Variants in EVC2 observed in about 807,000 individuals in gnomAD.
EVC2 encodes limbin.
In EVC2, 148 loss-of-function variants were observed where a neutral mutation model predicts 149.3. The observed-to-expected ratio is 0.99, with a 90% CI of 0.87 to 1.14. The LOEUF (loss-of-function observed/expected upper bound fraction) is 1.14, where lower values mean the gene tolerates loss of function less well. EVC2 is among the 50% of genes most tolerant of loss of function. EVC2 has a pLI of 0.00. For synonymous variants in EVC2, 776 were observed against 649.9 expected, an observed-to-expected ratio of 1.19 and a Z score of -2.95; for missense variants, 1,854 against 1,627.3, an observed-to-expected ratio of 1.14 and a Z score of -2.40.
intron 16 of EVC2, among the ~76,000 whole-genome samples, chr4:5,597,344 C>T (rs868699325): frequency 6.6e-6 from 1 of 152,160 alleles, no homozygotes; most frequent in African/African-American, 2.4e-5. Context: ...CCAAAGCCAG[C>T]AGCACATCAA....
Position 5,637,069 on chromosome 4 carries a change from A to G in EVC2, c.1470+3445T>C, listed in dbSNP as rs990662458. Among the ~76,000 whole-genome samples, 1 of 152,190 alleles carries G rather than the reference A, an allele frequency of 6.6e-6. No individual in the cohort carries two copies. The highest frequency in any genetic ancestry group is 1.5e-5 in the Non-Finnish European group (1 of 68,040). ...GCAAGGTGGTGTGGGTGGGAGAGAC[A>G]GGCTGCAGAAAAGCCCTGGAGAGAG... On this transcript the variant is annotated intron_variant, in intron 10 of 21. Coordinates refer to ENST00000344408, the MANE Select transcript of EVC2 (RefSeq NM_147127.5). This position sits in a 1 kb window ranked among gnomAD's most constrained non-coding sequence, Gnocchi z 4.4.
rs1287736944 is a variant in EVC2 at position 5,696,092 on chromosome 4, T to C, written c.283+1501A>G. On this transcript the variant is annotated intron_variant, in intron 2 of 21. Coordinates refer to ENST00000344408, the MANE Select transcript of EVC2 (RefSeq NM_147127.5). The surrounding 1 kb of genome is among the most constrained non-coding windows in gnomAD (Gnocchi z 4.1). Reference sequence around the variant, plus strand: ...AGCGGCTGATTCAGAGCATCGGGAATGTCTGAGTAGAGCATATGGGTGCAA... The same window carrying C: ...AGCGGCTGATTCAGAGCATCGGGAACGTCTGAGTAGAGCATATGGGTGCAA... 1.3e-5 allele frequency among the ~76,000 whole-genome samples: 2 copies of C among 152,152 alleles called. No homozygotes were observed. The highest frequency in any genetic ancestry group is 1.9e-4 in the East Asian group (1 of 5,174).
At chr4:5,607,183 T>C (rs904462400) in intron 16 of EVC2, among the ~76,000 whole-genome samples, 10 of 152,024 alleles carry the variant, frequency 6.6e-5, no homozygotes, top group Non-Finnish European at 1.2e-4. Flanking sequence ...GGAGGGCTCA[T>C]GGGAAGGGAC....
chr4:5,547,201 A>T (rs758933038), intron 21 of EVC2, among the ~76,000 whole-genome samples: 5 of 152,208 alleles, frequency 3.3e-5, no homozygotes, highest in Non-Finnish European at 7.4e-5. Context: ...GTGTGCACAC[A>T]CTTTGGGCGG....
chr4:5,586,028 A>T (rs568974170), intron 16 of EVC2, among the ~76,000 whole-genome samples: 48 of 151,956 alleles, frequency 3.2e-4, no homozygotes, highest in African/African-American at 1.1e-3. Context: ...CACCCAGCTA[A>T]TTTTTGTAAT....
At position 5,567,245 on chromosome 4, in the gene EVC2, T is replaced by C. The variant is rs1459123641; in HGVS notation, c.3557+1199A>G. On this transcript the variant is annotated intron_variant, in intron 20 of 21. Coordinates refer to ENST00000344408, the MANE Select transcript of EVC2 (RefSeq NM_147127.5). This position sits in a 1 kb window ranked among gnomAD's most constrained non-coding sequence, Gnocchi z 4.4. ...GGCCACTAGGAAGGCTCTTCGACAC[T>C]GTGGCCTCCTGCCCACACCCGCAGA... 2.0e-5 allele frequency among the ~76,000 whole-genome samples: 3 copies of C among 152,158 alleles called. No homozygotes were observed. Among genetic ancestry groups the C allele is most frequent in the African/African-American group, 7.2e-5 (3 of 41,444 alleles).
At chr4:5,550,197 G>A (rs1192813104) in intron 21 of EVC2, among the ~76,000 whole-genome samples, 4 of 152,178 alleles carry the variant, frequency 2.6e-5, no homozygotes, top group Non-Finnish European at 5.9e-5. Flanking sequence ...CTTTGGAACT[G>A]GGTATCAGAC....
intron 15 of EVC2, among the ~76,000 whole-genome samples, chr4:5,617,059 C>A (rs1404033024): frequency 1.3e-5 from 2 of 151,966 alleles, no homozygotes; most frequent in African/African-American, 4.8e-5. Context: ...GTATCTCCCA[C>A]ATCCTTGTAA....
In EVC2 at chr4:5,670,965, C is replaced by T. The variant is rs1023911087; in HGVS notation, c.871-5316G>A. On this transcript the variant is annotated intron_variant, in intron 7 of 21. Transcript: ENST00000344408. This position sits in a 1 kb window ranked among gnomAD's most constrained non-coding sequence, Gnocchi z 5.2. ...TCACCATCACCATCATCTTCACGCC[C>T]ACCACCATCAACACCATCATGACAC... 4.6e-5 allele frequency among the ~76,000 whole-genome samples: 7 copies of T among 152,110 alleles called. No homozygotes were observed. The highest frequency in any genetic ancestry group is 3.3e-4 in the Admixed American group (5 of 15,278).
At chr4:5,651,776 T>C (rs1321800557) in intron 9 of EVC2, among the ~76,000 whole-genome samples, 1 of 152,232 alleles carries the variant, frequency 6.6e-6, no homozygotes, top group Non-Finnish European at 1.5e-5. Context: ...CCCACCACAA[T>C]GGGGAGCTAG....
intron 7 of EVC2, among the ~76,000 whole-genome samples, chr4:5,671,790 G>A (rs1719667885): frequency 6.6e-6 from 1 of 152,204 alleles, no homozygotes; most frequent in African/African-American, 2.4e-5. Context: ...GATTACAGAC[G>A]TCAGCCACTG....
chr4:5,568,500 C>A lies in EVC2; in HGVS notation c.3501G>T (p.Val1167=), dbSNP rs1385856321. 1.3e-6 allele frequency: 2 copies of A among 1,587,304 alleles called. No individual in the cohort carries two copies. The stretch of plus-strand genomic sequence containing the variant: ...CGCCATCGCTCTCAGCTGCGTGGTC[C>A]ACATGTCTCTCGGTGGCCGAATCCA... ...ALLDSATERH[V]DHAAESDGGA... is the part of the protein sequence containing the mutation. Residue 1167 remains valine, a synonymous_variant, in exon 20 of 22, where the codon GTG becomes GTT. Transcript: ENST00000344408.
At chr4:5,561,130 T>C (rs973592957), downstream of EVC2, among the ~76,000 whole-genome samples, 2 of 152,234 alleles carry the variant, frequency 1.3e-5, no homozygotes, top group Non-Finnish European at 2.9e-5. Context: ...TACTTTCAAC[T>C]ATGCATAATT....
chr4:5,650,762 A>G (rs1438610393), intron 9 of EVC2, among the ~76,000 whole-genome samples: 1 of 151,762 alleles, frequency 6.6e-6, no homozygotes, highest in East Asian at 1.9e-4. Flanking sequence ...AAATTAAAAT[A>G]CCTTTTTCAA....
chr4:5,549,402 C>A (rs2108758676), intron 21 of EVC2, among the ~76,000 whole-genome samples: 1 of 152,342 alleles, frequency 6.6e-6, no homozygotes, highest in South Asian at 2.1e-4. Context: ...GTCTGAGGGG[C>A]TAAGCAGAGC....
intron 9 of EVC2, among the ~76,000 whole-genome samples, chr4:5,655,754 G>A (rs1489507565): frequency 7.9e-6 from 1 of 126,058 alleles, no homozygotes; most frequent in Non-Finnish European, 1.6e-5. Flanking sequence ...GGAAGGAAGA[G>A]AAGGAAGGAA....
chr4:5,606,333 C>T (rs1464064349), intron 16 of EVC2, among the ~76,000 whole-genome samples: 1 of 152,138 alleles, frequency 6.6e-6, no homozygotes, highest in Admixed American at 6.5e-5. Context: ...AAAGAATCTT[C>T]ATACATACTT....
chr4:5,588,242 T>C (rs1265452994), intron 16 of EVC2, among the ~76,000 whole-genome samples: 1 of 152,218 alleles, frequency 6.6e-6, no homozygotes, highest in East Asian at 1.9e-4. Flanking sequence ...TTATTTGAAA[T>C]GAGAAATCGG....
intron 1 of EVC2, among the ~76,000 whole-genome samples, chr4:5,699,381 G>C (rs1721684339): frequency 6.6e-6 from 1 of 152,164 alleles, no homozygotes; most frequent in South Asian, 2.1e-4. Flanking sequence ...ACATTCTATG[G>C]AGTACCAGGC....
Sources: gnomAD v4.1 joint callset for allele counts (sites outside exome capture counted in the v4.1 genomes callset) on GRCh38, gnomAD v4.1.1 for gene constraint, Gnocchi (gnomAD v3.1) non-coding constraint, MANE v1.5 for transcripts, NCBI Gene and HGNC (gene_info 2026-07-23, HGNC 2026-07-21) for gene names.